The following DCDC2 variants were observed in gnomAD, a reference collection of about 807,000 sequenced individuals.
DCDC2 encodes doublecortin domain-containing protein 2.
DCDC2 carries 40 observed loss-of-function variants against 50.2 expected under a neutral mutation model. The ratio of observed to expected loss-of-function variants is 0.80; its 90% confidence interval spans 0.62 to 1.04. DCDC2 has a LOEUF of 1.04. Among genes scored for constraint, DCDC2 ranks in the 50% least tolerant of loss-of-function variants. DCDC2 has a pLI of 0.00. For missense variants in DCDC2, 570 were observed against 581.9 expected, an observed-to-expected ratio of 0.98 and a Z score of 0.21; for synonymous variants, 234 against 210.6, an observed-to-expected ratio of 1.11 and a Z score of -0.96.
At chr6:24,262,438 G>C (rs1256574310) in intron 7 of DCDC2, among the ~76,000 whole-genome samples, 1 of 152,236 alleles carries the variant, frequency 6.6e-6, no homozygotes, top group Non-Finnish European at 1.5e-5. Flanking sequence ...AGGCCACAAA[G>C]AGTGCAACTC....
At chr6:24,188,000 G>C (rs1241767925) in intron 8 of DCDC2, among the ~76,000 whole-genome samples, 1 of 152,202 alleles carries the variant, frequency 6.6e-6, no homozygotes, top group Non-Finnish European at 1.5e-5. Flanking sequence ...CCATTGGATT[G>C]TAATAACTAT....
At chr6:24,216,140 T>C (rs1026558937) in intron 7 of DCDC2, among the ~76,000 whole-genome samples, 4 of 152,116 alleles carry the variant, frequency 2.6e-5, no homozygotes, top group Admixed American at 6.5e-5. Flanking sequence ...AGTCTGTTAA[T>C]TAGAATAAAG....
upstream of DCDC2, among the ~76,000 whole-genome samples, chr6:24,360,393 A>G (rs1760646934): frequency 6.6e-6 from 1 of 152,188 alleles, no homozygotes. Flanking sequence ...AGGAAAACCT[A>G]CAAAATTTTG....
chr6:24,268,533 A>G (rs1209736088), intron 7 of DCDC2, among the ~76,000 whole-genome samples: 4 of 152,144 alleles, frequency 2.6e-5, no homozygotes, highest in Non-Finnish European at 5.9e-5. Context: ...CTACTGCTCA[A>G]TGGAACCCAA....
chr6:24,220,886 G>GAGAGAC (rs1258083684), intron 7 of DCDC2, among the ~76,000 whole-genome samples: 9 of 141,172 alleles, frequency 6.4e-5, no homozygotes, highest in African/African-American at 1.8e-4. Context: ...GCGAGAGCGA[G>GAGAGAC]AGAGTGAGCG....
chr6:24,280,515 T>C (rs953977728), intron 6 of DCDC2, among the ~76,000 whole-genome samples: 21 of 151,658 alleles, frequency 1.4e-4, no homozygotes, highest in African/African-American at 4.8e-4. Context: ...CTCAATGGAG[T>C]CTTTCATCCC....
Position 24,357,923 on chromosome 6 carries a change from G to T in DCDC2, c.-173C>A, listed in dbSNP as rs770181256. ...CCGTGCGCCTAGGCGTCCACCCAGA[G>T]GAGACACTAGGAGCTTGCAGGACTC... On this transcript the variant is annotated 5_prime_UTR_variant, in exon 1 of 10. Transcript: ENST00000378454. The T allele has an allele frequency of 6.6e-7, 1 of 1,515,486 alleles. No individual in the cohort carries two copies. Among genetic ancestry groups the T allele is most frequent in the Non-Finnish European group, 8.8e-7 (1 of 1,133,096 alleles). The allele number at this position is 1,515,486 out of a possible 1,614,324, so 93.9% of individuals were successfully genotyped here. A position where few individuals can be genotyped will look rare whatever the true frequency, so the allele number is the denominator to read the frequency against.
At chr6:24,230,152 C>T (rs1210510608) in intron 7 of DCDC2, among the ~76,000 whole-genome samples, 2 of 152,182 alleles carry the variant, frequency 1.3e-5, no homozygotes, top group African/African-American at 2.4e-5. Flanking sequence ...ATGTTAAAGA[C>T]ACTTTTCTAA....
rs3077132 is a variant in DCDC2, at chr6:24,289,971, CT to C, written c.704+960del. 1.9e-3 allele frequency among the ~76,000 whole-genome samples: 114 copies of C among 61,036 alleles called. 5 individuals are homozygous for C. The highest frequency in any genetic ancestry group is 3.3e-3 in the Non-Finnish European group (97 of 29,538). 40.0% of individuals were successfully genotyped at this position (61,036 alleles called of 152,430 possible). ...TCCTGCAGCATGGGCCAGAGCTCTTCTTTTTTTTTTTTTTTTTTTTTTTTTT... is the reference window on the plus strand; with the variant it reads ...TCCTGCAGCATGGGCCAGAGCTCTTCTTTTTTTTTTTTTTTTTTTTTTTTT... On this transcript the variant is annotated intron_variant, in intron 5 of 9. Transcript: ENST00000378454.
chr6:24,209,876 A>G (rs1248458955), intron 7 of DCDC2, among the ~76,000 whole-genome samples: 1 of 152,054 alleles, frequency 6.6e-6, no homozygotes, highest in African/African-American at 2.4e-5. Context: ...TCACCCCCAC[A>G]CTTTCCCCAG....
chr6:24,381,803 AAAGGAAGGAAGGAAGG>A, the DCDC2 span, among the ~76,000 whole-genome samples: 1,961 of 67,266 alleles, frequency 0.029, 32 homozygotes, highest in Middle Eastern at 0.042. Flanking sequence ...GGAAGGAAAG[AAAGGAAGGAAGGAAGG>A]AAGGAAGGAA....
At chr6:24,282,842 G>A (rs1216262157) in intron 6 of DCDC2, among the ~76,000 whole-genome samples, 1 of 152,168 alleles carries the variant, frequency 6.6e-6, no homozygotes, top group East Asian at 1.9e-4. Flanking sequence ...GATGACAAGA[G>A]TAAGAAGCCC....
At chr6:24,271,253 A>G (rs1259226046) in intron 7 of DCDC2, among the ~76,000 whole-genome samples, 1 of 150,802 alleles carries the variant, frequency 6.6e-6, no homozygotes, top group Non-Finnish European at 1.5e-5. Flanking sequence ...AGAAAGAAAA[A>G]AAAGAAAAAA....
intron 8 of DCDC2, among the ~76,000 whole-genome samples, chr6:24,193,827 A>G (rs114305513): frequency 0.026 from 4,002 of 152,186 alleles, 87 homozygotes; most frequent in African/African-American, 0.058. Context: ...TTCCATAGTA[A>G]TTACATAAAA....
chr6:24,302,053 G>T lies in DCDC2; in HGVS notation c.349-9C>A. 1 of 1,595,632 alleles carries T rather than the reference G, an allele frequency of 6.3e-7. No homozygotes were observed. Among genetic ancestry groups the T allele is most frequent in the South Asian group, 1.1e-5 (1 of 88,332 alleles). ...TGGATTACTGGTTTTACCTTTAAAA[G>T]CAAAGGAAAAAAAATATAAACCACT... is the stretch of plus-strand genomic sequence containing the variant. On this transcript the variant is annotated splice_polypyrimidine_tract_variant and intron_variant, in intron 2 of 9. Coordinates refer to ENST00000378454, the MANE Select transcript of DCDC2 (RefSeq NM_016356.5).
At chr6:24,239,005 C>T (rs950403845) in intron 7 of DCDC2, among the ~76,000 whole-genome samples, 2 of 152,140 alleles carry the variant, frequency 1.3e-5, no homozygotes, top group Non-Finnish European at 2.9e-5. Context: ...CGTAATCTAA[C>T]GATATTGTCA....
intron 4 of DCDC2, among the ~76,000 whole-genome samples, chr6:24,297,470 T>C (rs1258706946): frequency 1.3e-5 from 2 of 151,186 alleles, no homozygotes; most frequent in Non-Finnish European, 3.0e-5. Context: ...AATACAAGTT[T>C]AAAAAAAAAG....
intron 7 of DCDC2, among the ~76,000 whole-genome samples, chr6:24,216,246 A>T (rs1460407476): frequency 6.6e-6 from 1 of 152,202 alleles, no homozygotes; most frequent in African/African-American, 2.4e-5. Context: ...ATGGTTAGGG[A>T]CAGAGTTCTA....
At chr6:24,289,883 C>T (rs564744924) in intron 5 of DCDC2, among the ~76,000 whole-genome samples, 1 of 148,876 alleles carries the variant, frequency 6.7e-6, no homozygotes, top group Non-Finnish European at 1.5e-5. Flanking sequence ...GGCAAGGTGG[C>T]CACAGAATCT....
Sources: gnomAD v4.1 joint callset for allele counts (sites outside exome capture counted in the v4.1 genomes callset) on GRCh38, gnomAD v4.1.1 for gene constraint, MANE v1.5 for transcripts, NCBI Gene and HGNC (gene_info 2026-07-23, HGNC 2026-07-21) for gene names.